TSHZ2: variants seen among roughly 807,000 people sequenced by gnomAD.
The protein encoded by TSHZ2 is teashirt homolog 2.
TSHZ2 carries 21 observed loss-of-function variants against 74.4 expected under a neutral mutation model. The observed-to-expected ratio is 0.28, with a 90% CI of 0.20 to 0.41. The LOEUF is 0.41. Among genes scored for constraint, TSHZ2 ranks in the 10% least tolerant of loss-of-function variants. TSHZ2 has a pLI of 1.00. For missense variants in TSHZ2, 1,244 were observed against 1,293.5 expected, an observed-to-expected ratio of 0.96 and a Z score of 0.59; for synonymous variants, 540 against 515.3, an observed-to-expected ratio of 1.05 and a Z score of -0.65.
chr20:53,404,694 T>C (rs1205564744), intron 2 of TSHZ2, among the ~76,000 whole-genome samples: 1 of 152,186 alleles, frequency 6.6e-6, no homozygotes, highest in Non-Finnish European at 1.5e-5. Flanking sequence ...CACATAAATA[T>C]AATTACATAC....
chr20:53,264,992 G>A (rs1990681909), intron 2 of TSHZ2, among the ~76,000 whole-genome samples: 1 of 152,200 alleles, frequency 6.6e-6, no homozygotes, highest in African/African-American at 2.4e-5. Context: ...GAAGCGGTAA[G>A]AGTACCTGCT....
intron 1 of TSHZ2, among the ~76,000 whole-genome samples, chr20:53,036,802 A>G (rs974969394): frequency 1.3e-5 from 2 of 148,864 alleles, no homozygotes; most frequent in African/African-American, 4.9e-5. Flanking sequence ...GTAACAATAC[A>G]TATTCATATA....
chr20:53,236,901 G>A (rs890170595), intron 1 of TSHZ2, among the ~76,000 whole-genome samples: 3 of 152,104 alleles, frequency 2.0e-5, no homozygotes, highest in African/African-American at 4.8e-5. Flanking sequence ...CAGCACAGGG[G>A]AACTGCCCCC....
chr20:52,973,263 C>T lies in TSHZ2; in HGVS notation c.-31C>T. ...CCCAGCGCGCGGCTCGGGGCTGGGG[C>T]GCCAGAAGTGGGACTGGAGCGAAGT... On this transcript the variant is annotated 5_prime_UTR_variant, in exon 1 of 3. Coordinates refer to ENST00000371497, the MANE Select transcript of TSHZ2 (RefSeq NM_173485.6). The T allele has an allele frequency of 6.4e-7, 1 of 1,551,766 alleles. No homozygotes were observed. Among genetic ancestry groups the T allele is most frequent in the Non-Finnish European group, 8.7e-7 (1 of 1,146,970 alleles).
At chr20:53,461,686 G>GC (rs1369452418) in intron 2 of TSHZ2, 1 of 152,174 alleles carries the variant, frequency 6.6e-6, no homozygotes, top group Non-Finnish European at 1.5e-5. Flanking sequence ...ACACACTCCT[G>GC]CATGCCCTTG....
intron 1 of TSHZ2, among the ~76,000 whole-genome samples, chr20:53,036,864 TC>T (rs1304273892): frequency 6.7e-6 from 1 of 150,342 alleles, no homozygotes; most frequent in Admixed American, 6.7e-5. Flanking sequence ...TAGATAGACA[TC>T]TCTTTAATGG....
chr20:53,464,117 C>T (rs952690783), intron 2 of TSHZ2, among the ~76,000 whole-genome samples: 2 of 152,170 alleles, frequency 1.3e-5, no homozygotes, highest in African/African-American at 2.4e-5. Context: ...CAGAAAAGTT[C>T]ACCTGTCTTC....
intron 2 of TSHZ2, among the ~76,000 whole-genome samples, chr20:53,472,431 G>A (rs1218360366): frequency 3.9e-5 from 6 of 152,278 alleles, no homozygotes; most frequent in African/African-American, 1.2e-4. Context: ...TCCATTTCCT[G>A]TGAAGAGGAA....
chr20:53,167,852 C>T (rs1031296708), intron 1 of TSHZ2, among the ~76,000 whole-genome samples: 1 of 152,242 alleles, frequency 6.6e-6, no homozygotes, highest in African/African-American at 2.4e-5. Context: ...ACATTAGCAC[C>T]AAATTGGAAT....
At chr20:53,092,700 A>G (rs1985919368) in intron 1 of TSHZ2, among the ~76,000 whole-genome samples, 1 of 152,236 alleles carries the variant, frequency 6.6e-6, no homozygotes, top group Non-Finnish European at 1.5e-5. Context: ...CGGAGTGGGA[A>G]AGGATCTAAG....
At chr20:53,336,980 T>C (rs2145559935) in intron 2 of TSHZ2, among the ~76,000 whole-genome samples, 1 of 152,324 alleles carries the variant, frequency 6.6e-6, no homozygotes, top group African/African-American at 2.4e-5. Context: ...CATACACTCA[T>C]ACATTCCACA....
intron 2 of TSHZ2, among the ~76,000 whole-genome samples, chr20:53,307,751 C>T (rs1978604373): frequency 6.6e-6 from 1 of 152,208 alleles, no homozygotes; most frequent in Admixed American, 6.5e-5. Context: ...TGAACTATTT[C>T]CAGCCCTTGG....
At chr20:53,081,238 C>G (rs926845110) in intron 1 of TSHZ2, among the ~76,000 whole-genome samples, 4 of 152,056 alleles carry the variant, frequency 2.6e-5, no homozygotes, top group Non-Finnish European at 5.9e-5. Context: ...CGCTATGTTA[C>G]CCAGGCTGGT....
At chr20:53,275,590 T>C (rs1210092999) in intron 2 of TSHZ2, among the ~76,000 whole-genome samples, 1 of 152,158 alleles carries the variant, frequency 6.6e-6, no homozygotes, top group Non-Finnish European at 1.5e-5. Context: ...TTAGTGGACC[T>C]GGGTGGAAGT....
At chr20:53,210,900 G>T (rs1251694210) in intron 1 of TSHZ2, among the ~76,000 whole-genome samples, 1 of 152,104 alleles carries the variant, frequency 6.6e-6, no homozygotes, top group Non-Finnish European at 1.5e-5. Context: ...GGGTTTATGA[G>T]ATTGGGTTCC....
At chr20:53,168,293 A>G (rs949203416) in intron 1 of TSHZ2, among the ~76,000 whole-genome samples, 27 of 152,200 alleles carry the variant, frequency 1.8e-4, no homozygotes, top group Non-Finnish European at 4.4e-5. Context: ...GCTGTGACAG[A>G]CAAAAATGAC....
At chr20:53,434,304 CA>C (rs1983960601) in intron 2 of TSHZ2, among the ~76,000 whole-genome samples, 1 of 152,168 alleles carries the variant, frequency 6.6e-6, no homozygotes, top group Non-Finnish European at 1.5e-5. Flanking sequence ...AATGACCCTC[CA>C]GGTATTATCA....
chr20:53,019,856 T>A (rs1188192744), intron 1 of TSHZ2, among the ~76,000 whole-genome samples: 1 of 152,202 alleles, frequency 6.6e-6, no homozygotes, highest in Non-Finnish European at 1.5e-5. Flanking sequence ...GTTATCACTC[T>A]CTTCCTGTAT....
chr20:53,126,045 A>G (rs552504989), intron 1 of TSHZ2, among the ~76,000 whole-genome samples: 2 of 152,260 alleles, frequency 1.3e-5, no homozygotes, highest in African/African-American at 4.8e-5. Context: ...ATGCACATTT[A>G]TGAAATTCCC....
Sources: gnomAD v4.1 joint callset for allele counts (sites outside exome capture counted in the v4.1 genomes callset) on GRCh38, gnomAD v4.1.1 for gene constraint, MANE v1.5 for transcripts, NCBI Gene and HGNC (gene_info 2026-07-23, HGNC 2026-07-21) for gene names.